Variants in AOPEP observed in about 807,000 individuals in gnomAD.
The protein encoded by AOPEP is aminopeptidase O (putative), also known as aminopeptidase O.
In AOPEP, 77 loss-of-function variants were observed where a neutral mutation model predicts 98.1. That is an observed-to-expected ratio of 0.78 (90% CI 0.65 to 0.95). AOPEP has a LOEUF of 0.95. AOPEP is among the 40% of genes least tolerant of loss of function. AOPEP has a pLI of 0.00. For synonymous variants in AOPEP, 346 were observed against 365.3 expected, an observed-to-expected ratio of 0.95 and a Z score of 0.60; for missense variants, 1,024 against 1,024.7, an observed-to-expected ratio of 1.00 and a Z score of 0.01.
intron 13 of AOPEP, among the ~76,000 whole-genome samples, chr9:95,049,625 T>A (rs1587797122): frequency 6.6e-6 from 1 of 152,348 alleles, no homozygotes; most frequent in South Asian, 2.1e-4. Flanking sequence ...CTTTTTCTTA[T>A]AGGAGCACAT....
rs113121368 is a variant in AOPEP at position 94,750,803 on chromosome 9, A to G, written c.-135-8846A>G. ...ACGGAGTCTCACTCTGTCGCCAGGC[A>G]GTGGCTCAATCTCGGCTCACTGCAA... On this transcript the variant is annotated intron_variant, in intron 1 of 16. Transcript: ENST00000375315. Among the ~76,000 whole-genome samples, 1,318 of 134,276 alleles carry G rather than the reference A, an allele frequency of 9.8e-3. 6 individuals carry two copies. The highest frequency in any genetic ancestry group is 0.096 in the Middle Eastern group (20 of 208). The allele number at this position is 134,276 out of a possible 152,430, so 88.1% of individuals were successfully genotyped here.
intron 5 of AOPEP, chr9:94,824,480 A>C (rs767448464): frequency 2.5e-4 from 38 of 152,202 alleles, no homozygotes; most frequent in African/African-American, 8.7e-4. Flanking sequence ...GAAAAGAGAA[A>C]ATTTCTGTTC....
chr9:95,048,708 G>GTGGC (rs929485579), intron 13 of AOPEP: 8 of 152,234 alleles, frequency 5.3e-5, no homozygotes, highest in African/African-American at 1.9e-4. Context: ...ACGTTGCTGA[G>GTGGC]TGGCTACTGC....
At chr9:95,028,967 T>A (rs1159459178) in intron 13 of AOPEP, among the ~76,000 whole-genome samples, 1 of 152,226 alleles carries the variant, frequency 6.6e-6, no homozygotes, top group Admixed American at 6.5e-5. Flanking sequence ...ACTGAGATAC[T>A]AGCCTAGTGT....
At chr9:94,891,963 G>C (rs187076298) in intron 5 of AOPEP, among the ~76,000 whole-genome samples, 4 of 152,100 alleles carry the variant, frequency 2.6e-5, no homozygotes, top group African/African-American at 9.7e-5. Flanking sequence ...TTTCTGAAAG[G>C]ATTTAGGGTT....
At chr9:94,775,344 T>A (rs1588148137) in intron 3 of AOPEP, among the ~76,000 whole-genome samples, 1 of 152,082 alleles carries the variant, frequency 6.6e-6, no homozygotes, top group East Asian at 1.9e-4. Flanking sequence ...TTAACGTATG[T>A]ACTGAAGTCA....
intron 5 of AOPEP, among the ~76,000 whole-genome samples, chr9:94,826,558 C>T (rs1054155316): frequency 1.3e-5 from 2 of 152,176 alleles, no homozygotes; most frequent in African/African-American, 4.8e-5. Flanking sequence ...TTTGTACATG[C>T]TGACAGATGG....
intron 13 of AOPEP, among the ~76,000 whole-genome samples, chr9:95,035,790 G>A (rs560584206): frequency 1.3e-5 from 2 of 151,934 alleles, no homozygotes; most frequent in East Asian, 3.9e-4. Context: ...CAAAGTGCTG[G>A]GATTACAGGC....
At chr9:94,952,458 T>C (rs367631592) in intron 7 of AOPEP, among the ~76,000 whole-genome samples, 66 of 152,338 alleles carry the variant, frequency 4.3e-4, no homozygotes, top group African/African-American at 1.6e-3. Context: ...ACCATTATTC[T>C]GATCTCTATC....
chr9:95,073,336 C>G (rs924125945), intron 14 of AOPEP, among the ~76,000 whole-genome samples: 4 of 152,084 alleles, frequency 2.6e-5, no homozygotes, highest in African/African-American at 9.7e-5. Context: ...CGACGAGGGT[C>G]CAGCCTGGAG....
the AOPEP span, among the ~76,000 whole-genome samples, chr9:95,142,760 C>A: frequency 1.3e-5 from 2 of 152,184 alleles, no homozygotes; most frequent in African/African-American, 2.4e-5. Context: ...CTCAGAGCCA[C>A]CCCGAGCTGC....
At chr9:95,078,717 C>T (rs2069367263) in intron 14 of AOPEP, among the ~76,000 whole-genome samples, 1 of 152,242 alleles carries the variant, frequency 6.6e-6, no homozygotes, top group African/African-American at 2.4e-5. Context: ...TGCCCATCTT[C>T]ACAAAGCTCG....
At chr9:95,103,867 A>C in the AOPEP span, among the ~76,000 whole-genome samples, 1 of 152,230 alleles carries the variant, frequency 6.6e-6, no homozygotes, top group Non-Finnish European at 1.5e-5. Flanking sequence ...CCACTCGCTC[A>C]AGCCATCTCC....
At chr9:94,740,284 T>C (rs946839679) in intron 1 of AOPEP, among the ~76,000 whole-genome samples, 1 of 152,070 alleles carries the variant, frequency 6.6e-6, no homozygotes, top group Non-Finnish European at 1.5e-5. Flanking sequence ...AGTGGCAATA[T>C]TGCTTGGGCT....
the AOPEP span, chr9:95,145,312 C>T: frequency 4.6e-5 from 7 of 152,116 alleles, no homozygotes; most frequent in East Asian, 1.2e-3. Flanking sequence ...TACAACAAAA[C>T]ATTAGGAACA....
intron 2 of AOPEP, chr9:94,763,209 T>C (rs955587116): frequency 5.6e-5 from 21 of 377,666 alleles, no homozygotes; most frequent in African/African-American, 4.1e-4. Context: ...GAATTTGATC[T>C]TCACGTCACT....
At chr9:94,976,538 T>C (rs1345857279) in intron 10 of AOPEP, among the ~76,000 whole-genome samples, 2 of 152,234 alleles carry the variant, frequency 1.3e-5, no homozygotes, top group Non-Finnish European at 1.5e-5. Context: ...CCTTGTGGGC[T>C]CTTCCCCTTT....
At chr9:94,870,364 A>G (rs2046210838) in intron 5 of AOPEP, among the ~76,000 whole-genome samples, 1 of 152,228 alleles carries the variant, frequency 6.6e-6, no homozygotes, top group South Asian at 2.1e-4. Flanking sequence ...AGTATCGAGA[A>G]TTAATAATAA....
At chr9:94,946,934 G>A (rs1453858361) in intron 7 of AOPEP, among the ~76,000 whole-genome samples, 2 of 151,698 alleles carry the variant, frequency 1.3e-5, no homozygotes, top group African/African-American at 4.8e-5. Context: ...CATCCAGTGG[G>A]ATTCACTCAG....
Sources: gnomAD v4.1 joint callset for allele counts (sites outside exome capture counted in the v4.1 genomes callset) on GRCh38, gnomAD v4.1.1 for gene constraint, MANE v1.5 for transcripts, NCBI Gene and HGNC (gene_info 2026-07-23, HGNC 2026-07-21) for gene names.